Variants in CALN1 observed in about 807,000 individuals in gnomAD.
CALN1 encodes calcium-binding protein 8.
Under a neutral mutation model 30.6 loss-of-function variants are expected in CALN1, and 17 were observed. The ratio of observed to expected loss-of-function variants is 0.56; its 90% CI spans 0.38 to 0.83. The LOEUF (loss-of-function observed/expected upper bound fraction) is 0.83, where lower values mean the gene tolerates loss of function less well. Ranked by LOEUF, CALN1 falls within the 40% of genes least tolerant of loss-of-function variation. The probability of loss-of-function intolerance (pLI) is 0.00; values close to 1 mark genes in which losing one functional copy is unlikely to be tolerated. For missense variants in CALN1, 291 were observed against 354.9 expected (o/e 0.82, Z 1.45); for synonymous variants, 156 against 131.4 (o/e 1.19, Z -1.28).
At chr7:71,913,560 T>C (rs928459696) in intron 5 of CALN1, among the ~76,000 whole-genome samples, 4 of 152,234 alleles carry the variant, frequency 2.6e-5, no homozygotes, top group Non-Finnish European at 5.9e-5. Context: ...AAAGGTTTTA[T>C]TGTTTTTTAA....
At chr7:72,391,199 A>C (rs1487390573) in intron 2 of CALN1, among the ~76,000 whole-genome samples, 1 of 152,168 alleles carries the variant, frequency 6.6e-6, no homozygotes, top group Non-Finnish European at 1.5e-5. Context: ...CACATATTGA[A>C]AGAAGATGGT....
intron 4 of CALN1, among the ~76,000 whole-genome samples, chr7:72,089,609 A>G (rs1268140620): frequency 6.6e-6 from 1 of 152,154 alleles, no homozygotes; most frequent in Non-Finnish European, 1.5e-5. Flanking sequence ...AAACTGAATA[A>G]TTGTGAACGG....
chr7:72,318,561 G>C (rs1053428816), intron 2 of CALN1, among the ~76,000 whole-genome samples: 5 of 152,108 alleles, frequency 3.3e-5, no homozygotes, highest in Admixed American at 6.6e-5. Flanking sequence ...TTTCTTTTGA[G>C]ATGGTGTCTT....
rs1467221511 is a variant in CALN1 at position 72,107,820 on chromosome 7, T to C, written c.245-1526A>G. ...ATTAATAAATACGGAAAAATAAAAA[T>C]GATCCACCAGGCATTGGGGTTCTCC... is the stretch of plus-strand genomic sequence containing the variant. On this transcript the variant is annotated intron_variant, in intron 3 of 6. Coordinates refer to ENST00000395275, the MANE Select transcript of CALN1 (RefSeq NM_031468.4). Among the ~76,000 whole-genome samples the C allele has an allele frequency of 3.3e-5, 5 of 152,120 alleles. No homozygotes were observed. The East Asian group carries it at 9.6e-4, about 29-fold the overall frequency.
the CALN1 span, among the ~76,000 whole-genome samples, chr7:72,482,319 C>T: frequency 6.6e-6 from 1 of 152,180 alleles, no homozygotes; most frequent in East Asian, 1.9e-4. Flanking sequence ...AACTGAAATG[C>T]TTTGCCTTTT....
At chr7:72,400,276 G>A (rs1043270361) in intron 2 of CALN1, among the ~76,000 whole-genome samples, 3 of 152,098 alleles carry the variant, frequency 2.0e-5, no homozygotes, top group African/African-American at 7.2e-5. Context: ...ATTTGATCTG[G>A]AGTGGACAGC....
chr7:72,252,335 C>G (rs1795618551), intron 3 of CALN1, among the ~76,000 whole-genome samples: 1 of 152,148 alleles, frequency 6.6e-6, no homozygotes, highest in Non-Finnish European at 1.5e-5. Context: ...CACAGTGACT[C>G]ACATCTATAT....
intron 3 of CALN1, among the ~76,000 whole-genome samples, chr7:72,111,753 CTTT>C (rs34426806): frequency 6.9e-6 from 1 of 145,066 alleles, no homozygotes; most frequent in Non-Finnish European, 1.5e-5. Context: ...TTTTTTCTTT[CTTT>C]TTTTTTTTGT....
At chr7:72,039,230 A>G (rs1801980117) in intron 4 of CALN1, among the ~76,000 whole-genome samples, 1 of 152,248 alleles carries the variant, frequency 6.6e-6, no homozygotes, top group South Asian at 2.1e-4. Flanking sequence ...GAACTCATCA[A>G]GAGCAAAGGA....
intron 3 of CALN1, among the ~76,000 whole-genome samples, chr7:72,205,549 A>ATATATATAT (rs1275919804): frequency 1.7e-5 from 1 of 59,914 alleles, no homozygotes; most frequent in African/African-American, 1.4e-4. Context: ...TTGCAAAAAA[A>ATATATATAT]AAATATATAT....
intron 3 of CALN1, among the ~76,000 whole-genome samples, chr7:72,184,032 C>T (rs556945291): frequency 6.6e-6 from 1 of 152,226 alleles, no homozygotes; most frequent in South Asian, 2.1e-4. Flanking sequence ...CAGCAGGGGG[C>T]ATCCCACCTT....
intron 5 of CALN1, among the ~76,000 whole-genome samples, chr7:71,862,290 T>C (rs1791333395): frequency 6.6e-6 from 1 of 152,194 alleles, no homozygotes; most frequent in South Asian, 2.1e-4. Context: ...TTTGGCTGTG[T>C]CCCTACCCAA....
intron 2 of CALN1, among the ~76,000 whole-genome samples, chr7:72,379,451 C>T (rs1336635701): frequency 1.3e-5 from 2 of 152,214 alleles, no homozygotes. Flanking sequence ...CATGAATTAT[C>T]TCAATTAATA....
rs562698253 is a variant in CALN1 at position 72,092,298 on chromosome 7, G to A, written c.388+13853C>T. Among the ~76,000 whole-genome samples, 3 of 152,186 alleles carry A rather than the reference G, an allele frequency of 2.0e-5. No individual in the cohort carries two copies. The South Asian group carries it at 6.2e-4, about 32-fold the overall frequency. On this transcript the variant is annotated intron_variant, in intron 4 of 6. Coordinates refer to ENST00000395275, the MANE Select transcript of CALN1 (RefSeq NM_031468.4). ...GTTTATTGTATTGTAGTCAAAGAAT[G>A]TGCCTATATTACTTGTTCTTTACGA... is the stretch of plus-strand genomic sequence containing the variant.
chr7:71,895,252 G>A (rs1793472267), intron 5 of CALN1, among the ~76,000 whole-genome samples: 1 of 151,938 alleles, frequency 6.6e-6, no homozygotes, highest in Non-Finnish European at 1.5e-5. Context: ...ATTGTGCCCG[G>A]CCTTGAATTT....
At chr7:72,107,477 G>A (rs1239033137) in intron 3 of CALN1, among the ~76,000 whole-genome samples, 1 of 152,212 alleles carries the variant, frequency 6.6e-6, no homozygotes, top group African/African-American at 2.4e-5. Context: ...CGGTCAGCAA[G>A]GGCTGTTTCA....
chr7:72,206,496 A>G (rs891847790), intron 3 of CALN1, among the ~76,000 whole-genome samples: 1 of 152,134 alleles, frequency 6.6e-6, no homozygotes, highest in Non-Finnish European at 1.5e-5. Context: ...TACTCTTTGA[A>G]ATTTTGCCAA....
chr7:72,031,734 A>AGTTTTTTTTTT (rs1562993226), intron 4 of CALN1, among the ~76,000 whole-genome samples: 1 of 114,684 alleles, frequency 8.7e-6, no homozygotes, highest in African/African-American at 3.4e-5. Flanking sequence ...CGCCTGGCTA[A>AGTTTTTTTTTT]TTTTTTTTTT....
At chr7:72,250,574 G>A (rs1049284491) in intron 3 of CALN1, among the ~76,000 whole-genome samples, 4 of 152,154 alleles carry the variant, frequency 2.6e-5, no homozygotes, top group Admixed American at 6.5e-5. Flanking sequence ...GGTGTTGGAG[G>A]TGGGGTCTGG....
Sources: allele counts gnomAD v4.1 joint callset (sites outside exome capture counted in the v4.1 genomes callset), GRCh38; gene constraint gnomAD v4.1.1; transcripts MANE v1.5; gene names NCBI Gene and HGNC (gene_info 2026-07-23, HGNC 2026-07-21).